The following FAT3 variants were observed in gnomAD, a reference collection of about 807,000 sequenced individuals.
FAT3 encodes the protein protocadherin Fat 3.
A neutral mutation model predicts 310.2 loss-of-function variants in FAT3; 95 were observed. That is an observed-to-expected ratio of 0.31 (90% CI 0.26 to 0.36). FAT3 has a LOEUF of 0.36. FAT3 is among the 10% of genes least tolerant of loss of function. FAT3 has a pLI of 1.00. For missense variants in FAT3, 5,408 were observed against 5,715.6 expected (o/e 0.95, Z 1.74); for synonymous variants, 2,314 against 2,192.9 (o/e 1.06, Z -1.54).
At chr11:92,823,861 G>A (rs942943392) in intron 13 of FAT3, among the ~76,000 whole-genome samples, 2 of 152,202 alleles carry the variant, frequency 1.3e-5, no homozygotes, top group South Asian at 4.2e-4. Flanking sequence ...ATTGCCAACT[G>A]AAAAAGTAAT....
At chr11:92,842,935 G>A (rs1948587952) in intron 18 of FAT3, among the ~76,000 whole-genome samples, 1 of 152,146 alleles carries the variant, frequency 6.6e-6, no homozygotes, top group Non-Finnish European at 1.5e-5. Flanking sequence ...GAAACATCAA[G>A]TACTAAGTGT....
intron 2 of FAT3, among the ~76,000 whole-genome samples, chr11:92,465,821 C>G (rs1951745126): frequency 6.6e-6 from 1 of 151,812 alleles, no homozygotes; most frequent in Admixed American, 6.6e-5. Flanking sequence ...ATGTAACAAA[C>G]CTGCACGTTG....
chr11:92,248,239 G>C (rs796848943), intron 1 of FAT3, among the ~76,000 whole-genome samples: 6 of 152,100 alleles, frequency 3.9e-5, no homozygotes, highest in African/African-American at 1.4e-4. Context: ...AGGAATGGCT[G>C]CATTTATATC....
At chr11:92,717,633 T>C (rs1262459901) in intron 4 of FAT3, among the ~76,000 whole-genome samples, 1 of 152,192 alleles carries the variant, frequency 6.6e-6, no homozygotes, top group Non-Finnish European at 1.5e-5. Context: ...TTTCAAAATG[T>C]TTTATGCAAG....
At chr11:92,518,327 T>C (rs1953559430) in intron 2 of FAT3, among the ~76,000 whole-genome samples, 1 of 152,090 alleles carries the variant, frequency 6.6e-6, no homozygotes, top group Non-Finnish European at 1.5e-5. Flanking sequence ...TGGAATACTA[T>C]GCAGCCATAA....
intron 3 of FAT3, among the ~76,000 whole-genome samples, chr11:92,648,776 A>ACGGCCATG (rs1304315053): frequency 2.6e-5 from 4 of 152,196 alleles, no homozygotes; most frequent in Non-Finnish European, 5.9e-5. Context: ...AACCATTGTG[A>ACGGCCATG]CGGCCATGCT....
At chr11:92,447,980 G>A (rs970618871) in intron 2 of FAT3, among the ~76,000 whole-genome samples, 1 of 152,100 alleles carries the variant, frequency 6.6e-6, no homozygotes, top group Non-Finnish European at 1.5e-5. Context: ...TCTCTAGCTT[G>A]GGAGAGAACC....
At chr11:92,575,727 C>T (rs1054033131) in intron 3 of FAT3, among the ~76,000 whole-genome samples, 3 of 152,124 alleles carry the variant, frequency 2.0e-5, no homozygotes, top group African/African-American at 7.2e-5. Flanking sequence ...TACCTCTTTC[C>T]TTCTTCCCCT....
At chr11:92,737,422 C>T (rs11020043) in intron 4 of FAT3, among the ~76,000 whole-genome samples, 2,448 of 152,140 alleles carry the variant, frequency 0.016, 30 homozygotes, top group Middle Eastern at 0.027. Flanking sequence ...GGATCCTAAT[C>T]CCTATTTACA....
At chr11:92,532,687 A>G (rs572350126) in intron 3 of FAT3, among the ~76,000 whole-genome samples, 1 of 152,318 alleles carries the variant, frequency 6.6e-6, no homozygotes, top group African/African-American at 2.4e-5. Flanking sequence ...GCCCATTTTG[A>G]ACAGCCTTCT....
intron 2 of FAT3, among the ~76,000 whole-genome samples, chr11:92,435,854 A>G (rs1023173459): frequency 5.3e-5 from 8 of 152,102 alleles, no homozygotes; most frequent in Non-Finnish European, 1.2e-4. Context: ...GGTGTGAGCC[A>G]CTGTGCCCAG....
At chr11:92,414,434 T>A (rs1165816036) in intron 2 of FAT3, among the ~76,000 whole-genome samples, 3 of 152,220 alleles carry the variant, frequency 2.0e-5, no homozygotes, top group Non-Finnish European at 4.4e-5. Context: ...ACTTCCTAGG[T>A]CATTCTTCTT....
Position 92,288,075 on chromosome 11 carries a change from G to A in FAT3, c.-18+62901G>A, listed in dbSNP as rs761926148. Among the ~76,000 whole-genome samples the A allele has an allele frequency of 3.3e-5, 5 of 152,036 alleles. No individual in the cohort carries two copies. The East Asian group carries it at 9.7e-4, about 29-fold the overall frequency. ...TTGTGCAGTTGAAAAAGGTTAAGGC[G>A]TGTTCATCAATAAATGATTGGATAA... On this transcript the variant is annotated intron_variant, in intron 1 of 27. Transcript: ENST00000525166.
chr11:92,883,467 CG>C lies in FAT3; in HGVS notation c.12937+77del. 6.6e-7 allele frequency: 1 copy of C among 1,514,002 alleles called. No individual in the cohort carries two copies. The highest frequency in any genetic ancestry group is 8.9e-7 in the Non-Finnish European group (1 of 1,126,824). 93.8% of individuals were successfully genotyped at this position (1,514,002 alleles called of 1,614,324 possible). A position where few individuals can be genotyped will look rare whatever the true frequency, so the allele number is the denominator to read the frequency against. ...GCAGGGGCGCTGTGCGAGGACGCTA[CG>C]GGAAGGGAGAGAGACCCCGCATGCA... On this transcript the variant is annotated intron_variant, in intron 24 of 27. Transcript: ENST00000525166. This position sits in a 1 kb window ranked among gnomAD's most constrained non-coding sequence, Gnocchi z 4.2.
At chr11:92,550,605 T>A (rs191803126) in intron 3 of FAT3, among the ~76,000 whole-genome samples, 1 of 152,192 alleles carries the variant, frequency 6.6e-6, no homozygotes, top group East Asian at 1.9e-4. Flanking sequence ...GCTAAGACAG[T>A]CATTCACAAA....
intron 2 of FAT3, among the ~76,000 whole-genome samples, chr11:92,410,288 G>T (rs1950227890): frequency 6.6e-6 from 1 of 150,928 alleles, no homozygotes; most frequent in Non-Finnish European, 1.5e-5. Flanking sequence ...TTTTTTATAG[G>T]TGTGTGTGTG....
At chr11:92,531,877 G>A (rs919119475) in intron 3 of FAT3, among the ~76,000 whole-genome samples, 11 of 151,952 alleles carry the variant, frequency 7.2e-5, no homozygotes, top group Admixed American at 5.2e-4. Context: ...TGTTCTATAT[G>A]TTATATAAGA....
chr11:92,852,186 T>A (rs1948848392), intron 19 of FAT3, among the ~76,000 whole-genome samples: 1 of 152,182 alleles, frequency 6.6e-6, no homozygotes. Flanking sequence ...TCTAACAATA[T>A]ATATTTCATA....
intron 3 of FAT3, among the ~76,000 whole-genome samples, chr11:92,568,530 C>T (rs1469126033): frequency 2.0e-5 from 3 of 152,084 alleles, no homozygotes; most frequent in East Asian, 1.9e-4. Flanking sequence ...GACCCTAGTA[C>T]ACAAAACTGT....
Sources: gnomAD v4.1 joint callset for allele counts (sites outside exome capture counted in the v4.1 genomes callset) on GRCh38, gnomAD v4.1.1 for gene constraint, Gnocchi (gnomAD v3.1) non-coding constraint, MANE v1.5 for transcripts, NCBI Gene and HGNC (gene_info 2026-07-23, HGNC 2026-07-21) for gene names.